The following FHIT variants were observed in gnomAD, a reference collection of about 807,000 sequenced individuals.
The protein encoded by FHIT is bis(5'-adenosyl)-triphosphatase.
A neutral mutation model predicts 17.9 loss-of-function variants in FHIT; 19 were observed. The observed-to-expected ratio is 1.06, with a 90% CI of 0.74 to 1.56. The LOEUF (loss-of-function observed/expected upper bound fraction) is 1.56. Among genes scored for constraint, FHIT ranks in the 40% most tolerant of loss-of-function variants. FHIT has a pLI of 0.00. For synonymous variants in FHIT, 81 were observed against 69.7 expected, an observed-to-expected ratio of 1.16 and a Z score of -0.81; for missense variants, 248 against 189.2, an observed-to-expected ratio of 1.31 and a Z score of -1.82.
intron 7 of FHIT, among the ~76,000 whole-genome samples, chr3:59,929,367 T>G (rs962202951): frequency 3.8e-5 from 5 of 130,676 alleles, no homozygotes; most frequent in African/African-American, 8.7e-5. Flanking sequence ...TTTTTGGTTT[T>G]TTTTTTTTTT....
chr3:60,085,792 G>C (rs1304519081), intron 5 of FHIT, among the ~76,000 whole-genome samples: 16 of 152,130 alleles, frequency 1.1e-4, no homozygotes, highest in Admixed American at 1.0e-3. Flanking sequence ...TGTCTCATTT[G>C]TATACAGGCA....
At chr3:60,649,006 C>T (rs772903663) in intron 4 of FHIT, among the ~76,000 whole-genome samples, 4 of 152,198 alleles carry the variant, frequency 2.6e-5, no homozygotes, top group Non-Finnish European at 5.9e-5. Flanking sequence ...CCTACATATA[C>T]ACACATATAT....
chr3:60,766,857 A>G (rs556048574), intron 4 of FHIT, among the ~76,000 whole-genome samples: 1 of 152,372 alleles, frequency 6.6e-6, no homozygotes, highest in African/African-American at 2.4e-5. Flanking sequence ...TCCCTGAAGA[A>G]GTCACAGTTC....
chr3:59,897,814 T>C (rs185816980), intron 8 of FHIT, among the ~76,000 whole-genome samples: 1 of 151,826 alleles, frequency 6.6e-6, no homozygotes, highest in Non-Finnish European at 1.5e-5. Context: ...TTGCCCAGGC[T>C]GGAGTGCAGT....
chr3:59,761,681 A>T (rs1187322660), intron 8 of FHIT, among the ~76,000 whole-genome samples: 1 of 151,136 alleles, frequency 6.6e-6, no homozygotes, highest in Non-Finnish European at 1.5e-5. Flanking sequence ...ATCTCGGCTC[A>T]CTGCAACCTC....
rs1036727009 is a variant in FHIT at position 60,309,238 on chromosome 3, G to A, written c.103+227622C>T. ...GTTGAGGGAGGTGTTTGGGAGAGGG[G>A]AAAATCCACCTCACCAAATACATAA... On this transcript the variant is annotated intron_variant, in intron 5 of 9. Coordinates refer to ENST00000492590, the MANE Select transcript of FHIT (RefSeq NM_002012.4). 2.6e-5 allele frequency among the ~76,000 whole-genome samples: 4 copies of A among 152,004 alleles called. No homozygotes were observed. In the South Asian group the frequency reaches 8.3e-4, roughly 32 times the overall value.
chr3:60,311,831 T>C (rs1708961749), intron 5 of FHIT, among the ~76,000 whole-genome samples: 1 of 152,150 alleles, frequency 6.6e-6, no homozygotes, highest in Non-Finnish European at 1.5e-5. Flanking sequence ...ACTTTCACAT[T>C]TCATAGAGCA....
intron 4 of FHIT, among the ~76,000 whole-genome samples, chr3:60,778,341 C>A (rs1423397996): frequency 1.3e-5 from 2 of 152,068 alleles, no homozygotes; most frequent in Admixed American, 1.3e-4. Context: ...TTATAATAAG[C>A]TATAGGACTT....
At chr3:60,420,463 G>A (rs541660351) in intron 5 of FHIT, among the ~76,000 whole-genome samples, 4 of 152,164 alleles carry the variant, frequency 2.6e-5, no homozygotes, top group South Asian at 4.2e-4. Flanking sequence ...TAAAGGCTAT[G>A]TGTATTTTTT....
At chr3:60,669,989 A>G (rs782153277) in intron 4 of FHIT, among the ~76,000 whole-genome samples, 4 of 152,212 alleles carry the variant, frequency 2.6e-5, no homozygotes, top group Non-Finnish European at 4.4e-5. Flanking sequence ...TATCTGTGGC[A>G]CATACTTATC....
chr3:59,872,874 C>T (rs1402777550), intron 8 of FHIT, among the ~76,000 whole-genome samples: 1 of 152,184 alleles, frequency 6.6e-6, no homozygotes, highest in East Asian at 1.9e-4. Flanking sequence ...CTTGTACAGC[C>T]AGCACATCAG....
At chr3:61,012,976 T>G (rs1215526021) in intron 3 of FHIT, among the ~76,000 whole-genome samples, 1 of 152,096 alleles carries the variant, frequency 6.6e-6, no homozygotes, top group Non-Finnish European at 1.5e-5. Flanking sequence ...GTTTTTATAT[T>G]GTTAAATTGA....
chr3:60,796,177 C>T (rs568226786), intron 4 of FHIT, among the ~76,000 whole-genome samples: 7 of 152,270 alleles, frequency 4.6e-5, no homozygotes, highest in African/African-American at 1.4e-4. Flanking sequence ...CCTCCCACAA[C>T]ACGTGGGAAT....
intron 5 of FHIT, among the ~76,000 whole-genome samples, chr3:60,188,771 T>C (rs573776113): frequency 6.6e-6 from 1 of 152,210 alleles, no homozygotes; most frequent in Non-Finnish European, 1.5e-5. Flanking sequence ...TGAGCAAGGA[T>C]GGAAACTTCT....
At chr3:59,952,727 T>TC (rs1707182577) in intron 7 of FHIT, among the ~76,000 whole-genome samples, 1 of 152,174 alleles carries the variant, frequency 6.6e-6, no homozygotes, top group South Asian at 2.1e-4. Context: ...GTCTAATTTC[T>TC]TTTTCTTGGA....
chr3:60,551,462 A>AAGAG lies in FHIT; in HGVS notation c.-17-14487_-17-14484dup, dbSNP rs1442118143. On this transcript the variant is annotated intron_variant, in intron 4 of 9. Transcript: ENST00000492590. ...ATAGTGAGAAAGAAAGAAAGAAAGA[A>AAGAG]AGAGAGAAACAGAGAGAGGGTAGGG... 1.8e-4 allele frequency among the ~76,000 whole-genome samples: 10 copies of AAGAG among 54,448 alleles called. 1 individual carries two copies. The South Asian group carries it at 2.6e-3, about 14-fold the overall frequency. 35.7% of individuals were successfully genotyped at this position (54,448 alleles called of 152,430 possible). A position where few individuals can be genotyped will look rare whatever the true frequency, so the allele number is the denominator to read the frequency against.
intron 3 of FHIT, among the ~76,000 whole-genome samples, chr3:60,954,055 A>G (rs1709008969): frequency 6.6e-6 from 1 of 152,234 alleles, no homozygotes; most frequent in Non-Finnish European, 1.5e-5. Context: ...TGCAGAGTCC[A>G]GTACATTTAT....
chr3:60,049,774 T>C (rs1701798533), intron 5 of FHIT, among the ~76,000 whole-genome samples: 1 of 152,230 alleles, frequency 6.6e-6, no homozygotes, highest in Non-Finnish European at 1.5e-5. Context: ...CACATTATAC[T>C]TCTACCAGAC....
intron 5 of FHIT, among the ~76,000 whole-genome samples, chr3:60,450,235 T>C (rs1311008415): frequency 2.0e-5 from 3 of 146,546 alleles, no homozygotes; most frequent in Non-Finnish European, 1.5e-5. Context: ...GTATTAATAA[T>C]TGCACTATGA....
Sources: allele counts gnomAD v4.1 joint callset (sites outside exome capture counted in the v4.1 genomes callset), GRCh38; gene constraint gnomAD v4.1.1; transcripts MANE v1.5; gene names NCBI Gene and HGNC (gene_info 2026-07-23, HGNC 2026-07-21).